MAP4: variants seen among roughly 807,000 people sequenced by gnomAD.
MAP4 encodes the protein microtubule-associated protein 4.
MAP4 carries 76 observed loss-of-function variants against 170.2 expected under a neutral mutation model. The ratio of observed to expected loss-of-function variants is 0.45; its 90% CI spans 0.37 to 0.54. The LOEUF is 0.54. Ranked by LOEUF, MAP4 falls within the 20% of genes least tolerant of loss-of-function variation. The pLI is 0.00. For missense variants in MAP4, 2,506 were observed against 2,748.0 expected (o/e 0.91, Z 1.97); for synonymous variants, 909 against 994.5 (o/e 0.91, Z 1.62).
intron 9 of MAP4, among the ~76,000 whole-genome samples, chr3:47,905,009 A>G (rs1559988757): frequency 6.6e-6 from 1 of 152,154 alleles, no homozygotes; most frequent in East Asian, 1.9e-4. Context: ...AACAATGGAA[A>G]CCATGGGTGA....
intron 1 of MAP4, among the ~76,000 whole-genome samples, chr3:48,028,917 C>G (rs888284272): frequency 6.6e-6 from 1 of 151,896 alleles, no homozygotes; most frequent in African/African-American, 2.4e-5. Context: ...CCGAGGCGGG[C>G]AGATCGCTTG....
intron 10 of MAP4, among the ~76,000 whole-genome samples, chr3:47,881,568 A>T (rs1017829316): frequency 6.9e-6 from 1 of 144,346 alleles, no homozygotes. Flanking sequence ...TCCATCTTTT[A>T]ACTTTCAACC....
intron 10 of MAP4, among the ~76,000 whole-genome samples, chr3:47,901,748 G>A (rs1299447486): frequency 6.6e-6 from 1 of 151,908 alleles, no homozygotes; most frequent in East Asian, 1.9e-4. Flanking sequence ...CTGCAATACT[G>A]TAAATCAAAA....
intron 3 of MAP4, among the ~76,000 whole-genome samples, chr3:47,963,560 G>T (rs2100072975): frequency 6.6e-6 from 1 of 152,174 alleles, no homozygotes; most frequent in Non-Finnish European, 1.5e-5. Context: ...CAATAACCTG[G>T]CAAGAATTAT....
chr3:48,079,218 G>T (rs2100145349), intron 1 of MAP4, among the ~76,000 whole-genome samples: 1 of 152,006 alleles, frequency 6.6e-6, no homozygotes, highest in Non-Finnish European at 1.5e-5. Context: ...AATACTTTTT[G>T]ATGTCAAAGG....
intron 10 of MAP4, 30 bp from the exon 11 acceptor site, chr3:47,877,553 C>T (rs1183931047): frequency 2.0e-6 from 3 of 1,473,716 alleles, no homozygotes; most frequent in East Asian, 2.3e-5. Context: ...GGGAATTATG[C>T]TAAGCAAACA....
At chr3:47,900,581 C>T (rs774723127) in intron 10 of MAP4, among the ~76,000 whole-genome samples, 1 of 151,992 alleles carries the variant, frequency 6.6e-6, no homozygotes, top group Non-Finnish European at 1.5e-5. Context: ...ACTAAAAATA[C>T]AAAAACTAGC....
chr3:47,986,683 T>C (rs895140315), intron 2 of MAP4, among the ~76,000 whole-genome samples: 1 of 152,106 alleles, frequency 6.6e-6, no homozygotes, highest in African/African-American at 2.4e-5. Context: ...TTATGAACTA[T>C]ACATTTTGGT....
chr3:47,988,110 C>T (rs573007237), intron 2 of MAP4, among the ~76,000 whole-genome samples: 1 of 151,308 alleles, frequency 6.6e-6, no homozygotes, highest in Non-Finnish European at 1.5e-5. Context: ...AGGAGAATGG[C>T]GTGAACCCGG....
chr3:47,930,724 C>T (rs187851505), intron 3 of MAP4, among the ~76,000 whole-genome samples: 39 of 151,458 alleles, frequency 2.6e-4, no homozygotes. Context: ...GTCAGGAAAT[C>T]GAGACCATCC....
At chr3:48,072,531 CTA>C (rs1478073222) in intron 1 of MAP4, among the ~76,000 whole-genome samples, 1 of 151,992 alleles carries the variant, frequency 6.6e-6, no homozygotes, top group Non-Finnish European at 1.5e-5. Context: ...CATGAAAAAA[CTA>C]TTTTTTTAAT....
At chr3:47,969,560 T>C (rs766777463) in intron 3 of MAP4, among the ~76,000 whole-genome samples, 2 of 152,302 alleles carry the variant, frequency 1.3e-5, no homozygotes, top group East Asian at 1.9e-4. Flanking sequence ...TGAAGTAACC[T>C]CTTGGTTAGA....
chr3:47,914,608 G>A (rs934829150), intron 8 of MAP4, among the ~76,000 whole-genome samples: 1 of 150,900 alleles, frequency 6.6e-6, no homozygotes, highest in Non-Finnish European at 1.5e-5. Flanking sequence ...AAAAAAATTA[G>A]GTATCCTGAT....
intron 2 of MAP4, among the ~76,000 whole-genome samples, chr3:47,988,944 G>A (rs1322033691): frequency 6.6e-6 from 1 of 152,088 alleles, no homozygotes; most frequent in Non-Finnish European, 1.5e-5. Flanking sequence ...CTGAGTAGCT[G>A]GGATTACTGG....
intron 1 of MAP4, among the ~76,000 whole-genome samples, chr3:48,023,733 A>AT (rs2100111687): frequency 6.6e-6 from 1 of 152,072 alleles, no homozygotes; most frequent in African/African-American, 2.4e-5. Context: ...GCACTGGGAG[A>AT]TTTTTGCAAT....
intron 10 of MAP4, chr3:47,892,955 G>A (rs1212665583): frequency 5.4e-6 from 5 of 918,460 alleles, no homozygotes; most frequent in African/African-American, 3.7e-5. Flanking sequence ...AAAAATAACC[G>A]AGACTCATTT....
Position 47,851,912 on chromosome 3 carries a change from T to C in MAP4, c.*1022A>G, listed in dbSNP as rs2042935265. 6.6e-6 allele frequency: 1 copy of C among 152,254 alleles called. No individual in the cohort carries two copies. The highest frequency in any genetic ancestry group is 1.5e-5 in the Non-Finnish European group (1 of 68,070). The allele number at this position is 152,254 out of a possible 1,614,324, so 9.4% of individuals were successfully genotyped here. On this transcript the variant is annotated 3_prime_UTR_variant, in exon 21 of 21. Transcript: ENST00000683076. The stretch of plus-strand genomic sequence containing the variant: ...TTTCTTGTTCTCCAGCCCTGGCTTT[T>C]TATCCTAGGGCTGACCACCAGATCC...
chr3:47,854,737 C>T (rs1045486568), intron 19 of MAP4, among the ~76,000 whole-genome samples: 1 of 61,980 alleles, frequency 1.6e-5, no homozygotes, highest in Non-Finnish European at 2.9e-5. Context: ...CAGAGGGAGG[C>T]CCCAGGCAGG....
chr3:47,993,016 A>C (rs2100093321), intron 2 of MAP4, among the ~76,000 whole-genome samples: 1 of 152,202 alleles, frequency 6.6e-6, no homozygotes, highest in Non-Finnish European at 1.5e-5. Context: ...CTAATAAAGC[A>C]ACATGAATTC....
Sources: allele counts gnomAD v4.1 joint callset (sites outside exome capture counted in the v4.1 genomes callset), GRCh38; gene constraint gnomAD v4.1.1; transcripts MANE v1.5; gene names NCBI Gene and HGNC (gene_info 2026-07-23, HGNC 2026-07-21).